Variants in PRR5 observed in about 807,000 individuals in gnomAD.
PRR5 encodes the protein proline rich 5, also known as proline-rich protein 5.
In PRR5, 25 loss-of-function variants were observed where a neutral mutation model predicts 30.6. The observed-to-expected ratio is 0.82, with a 90% CI of 0.60 to 1.14. PRR5 has a LOEUF of 1.14. Ranked by LOEUF, PRR5 falls within the 50% of genes most tolerant of loss-of-function variation. PRR5 has a pLI of 0.00. For synonymous variants in PRR5, 286 were observed against 247.1 expected, an observed-to-expected ratio of 1.16 and a Z score of -1.48; for missense variants, 600 against 547.1, an observed-to-expected ratio of 1.10 and a Z score of -0.96.
chr22:44,702,449 G>C lies in PRR5; in HGVS notation c.-26G>C. The C allele has an allele frequency of 7.6e-7, 1 of 1,315,778 alleles. No homozygotes were observed. Among genetic ancestry groups the C allele is most frequent in the Non-Finnish European group, 9.7e-7 (1 of 1,028,458 alleles). The allele number at this position is 1,315,778 out of a possible 1,614,324, so 81.5% of individuals were successfully genotyped here. A position where few individuals can be genotyped will look rare whatever the true frequency, so the allele number is the denominator to read the frequency against. ...AGGGCGCGGCGTGGGGCGCGCGTGGGCGCGGCGCAGGCGGCCCGGGTCACC... is the reference window on the plus strand; with the variant it reads ...AGGGCGCGGCGTGGGGCGCGCGTGGCCGCGGCGCAGGCGGCCCGGGTCACC... On this transcript the variant is annotated 5_prime_UTR_variant, in exon 1 of 8. Transcript: ENST00000336985.
intron 6 of PRR5, 95 bp from the exon 7 acceptor site, chr22:44,734,932 G>A: frequency 1.4e-6 from 2 of 1,449,980 alleles, no homozygotes; most frequent in Admixed American, 1.8e-5. Flanking sequence ...GGAGGCAGAG[G>A]ACAGGCTGTC....
In PRR5 at chr22:44,731,806, C is replaced by T. The variant is rs1922027539; in HGVS notation, c.399C>T (p.Ile133=). 5.0e-6 allele frequency: 8 copies of T among 1,613,412 alleles called. No homozygotes were observed. The East Asian group carries it at 1.8e-4, about 36-fold the overall frequency. ...ACGTGCTGCCCATGCTGCAGGCCAT[C>T]TTCTACCCGGTGCAGGTGGGCAGCC... ...FSDVLPMLQA[I]FYPVQGKEPS... The change falls in exon 5 of 8, where the codon ATC becomes ATT. Residue 133 remains isoleucine, a synonymous_variant. Coordinates refer to ENST00000336985, the MANE Select transcript of PRR5 (RefSeq NM_181333.4).
intron 3 of PRR5, 103 bp downstream of exon 3, chr22:44,725,395 C>T (rs1569103108): frequency 3.3e-6 from 5 of 1,518,556 alleles, no homozygotes; most frequent in Non-Finnish European, 4.5e-6. Context: ...GGCTCCCCCA[C>T]TGTCTGCCTG....
rs1376828221 is a variant in PRR5, at chr22:44,736,981, C to A, written c.901C>A (p.Gln301Lys). 1.2e-6 allele frequency: 2 copies of A among 1,600,742 alleles called. No homozygotes were observed. Among genetic ancestry groups the A allele is most frequent in the Non-Finnish European group, 1.7e-6 (2 of 1,174,240 alleles). ...TCAGGGCTTCTCCGACCCGCCCGGCCAGGGCCCCACCGGGACCTTCAGGTC... is the reference window on the plus strand; with the variant it reads ...TCAGGGCTTCTCCGACCCGCCCGGCAAGGGCCCCACCGGGACCTTCAGGTC... ...EPQGFSDPPG[Q>K]GPTGTFRSSP... Residue 301 changes from glutamine (Q) to lysine (K), a missense_variant, in exon 8 of 8, where the codon CAG (glutamine) becomes AAG (lysine). By Grantham distance (53) the Gln-to-Lys change is moderately conservative. Transcript: ENST00000336985.
At chr22:44,718,401 G>T (rs745463137) in intron 2 of PRR5, among the ~76,000 whole-genome samples, 1 of 151,842 alleles carries the variant, frequency 6.6e-6, no homozygotes, top group Admixed American at 6.6e-5. Context: ...CACCATGTTG[G>T]CCAGGCTGGC....
At chr22:44,709,404 G>T (rs900433014) in intron 1 of PRR5, among the ~76,000 whole-genome samples, 1 of 152,134 alleles carries the variant, frequency 6.6e-6, no homozygotes, top group Non-Finnish European at 1.5e-5. Flanking sequence ...AAGGTGTCAC[G>T]CTGCTGGCTG....
At chr22:44,717,440 T>G (rs1333268656) in intron 2 of PRR5, among the ~76,000 whole-genome samples, 1 of 151,772 alleles carries the variant, frequency 6.6e-6, no homozygotes, top group Non-Finnish European at 1.5e-5. Flanking sequence ...GATCCACCCG[T>G]CTCAGCCTCC....
chr22:44,706,728 A>G (rs868006443), intron 1 of PRR5, among the ~76,000 whole-genome samples: 15 of 151,498 alleles, frequency 9.9e-5, no homozygotes, highest in African/African-American at 3.6e-4. Flanking sequence ...GGGTTTCGCC[A>G]TGTTGCCCAG....
intron 1 of PRR5, among the ~76,000 whole-genome samples, chr22:44,693,550 C>T (rs1925470109): frequency 6.6e-6 from 1 of 151,666 alleles, no homozygotes; most frequent in Non-Finnish European, 1.5e-5. Context: ...CCAGTCTCTG[C>T]TTCCATCCTC....
At chr22:44,703,894 A>G (rs775897641) in intron 1 of PRR5, among the ~76,000 whole-genome samples, 6 of 152,170 alleles carry the variant, frequency 3.9e-5, no homozygotes, top group Non-Finnish European at 7.3e-5. Flanking sequence ...AAAAAAAAGA[A>G]GAGCAGTGTT....
chr22:44,721,810 G>A (rs958346497), intron 2 of PRR5, among the ~76,000 whole-genome samples: 5 of 152,212 alleles, frequency 3.3e-5, no homozygotes, highest in Admixed American at 2.0e-4. Context: ...AAGCACCGGG[G>A]CCTGCCCTCC....
intron 2 of PRR5, among the ~76,000 whole-genome samples, chr22:44,716,843 T>C (rs556793969): frequency 6.6e-6 from 1 of 152,194 alleles, no homozygotes; most frequent in South Asian, 2.1e-4. Context: ...GGAGGATTGC[T>C]TGCGTTCAGG....
At chr22:44,723,591 G>C (rs1221921942) in intron 2 of PRR5, among the ~76,000 whole-genome samples, 1 of 151,980 alleles carries the variant, frequency 6.6e-6, no homozygotes, top group African/African-American at 2.4e-5. Flanking sequence ...GTGATGGTAT[G>C]CGCCTGTAAT....
At chr22:44,679,623 C>T (rs778710139) in intron 1 of PRR5, 12 of 541,218 alleles carry the variant, frequency 2.2e-5, no homozygotes, top group African/African-American at 1.9e-4. Flanking sequence ...AGGAGAAGCA[C>T]TTGAACCCAG....
intron 1 of PRR5, among the ~76,000 whole-genome samples, chr22:44,678,135 T>G (rs548525128): frequency 6.6e-6 from 1 of 152,152 alleles, no homozygotes; most frequent in Non-Finnish European, 1.5e-5. Context: ...GGGAACCCTG[T>G]GGATGGTCGG....
At chr22:44,707,171 C>T (rs1298026524) in intron 1 of PRR5, among the ~76,000 whole-genome samples, 2 of 152,248 alleles carry the variant, frequency 1.3e-5, no homozygotes, top group Non-Finnish European at 2.9e-5. Flanking sequence ...CCAGTTCACT[C>T]CTCCCTGGGT....
At position 44,732,153 on chromosome 22, in the gene PRR5, G is replaced by A. The variant is rs183829206; in HGVS notation, c.415-98G>A. ...AACGGGGTGGAGGGGCCTGAGGGTC[G>A]GCAGGTCTCTTCCCCCTGTGGGGTC... On this transcript the variant is annotated intron_variant, in intron 5 of 7. Transcript: ENST00000336985. 2.0e-4 allele frequency: 317 copies of A among 1,550,080 alleles called. 1 individual carries two copies. The African/African-American group carries it at 3.4e-3, about 17-fold the overall frequency.
chr22:44,725,391 C>T (rs1920927195), intron 3 of PRR5, 99 bp downstream of exon 3: 2 of 1,533,180 alleles, frequency 1.3e-6, no homozygotes, highest in African/African-American at 2.7e-5. Context: ...CGCCGGCTCC[C>T]CCACTGTCTG....
upstream of PRR5, among the ~76,000 whole-genome samples, chr22:44,673,010 G>A (rs928322596): frequency 1.3e-5 from 2 of 152,256 alleles, no homozygotes; most frequent in Non-Finnish European, 1.5e-5. Context: ...TCTGACCCCA[G>A]CATGAGTCCT....
Sources: gnomAD v4.1 joint callset for allele counts (sites outside exome capture counted in the v4.1 genomes callset) on GRCh38, gnomAD v4.1.1 for gene constraint, MANE v1.5 for transcripts, NCBI Gene and HGNC (gene_info 2026-07-23, HGNC 2026-07-21) for gene names.